The following PALLD variants were observed in gnomAD, a reference collection of about 807,000 sequenced individuals.
PALLD encodes the protein palladin.
In PALLD, 61 loss-of-function variants were observed where a neutral mutation model predicts 123.5. The ratio of observed to expected loss-of-function variants is 0.49; its 90% CI spans 0.40 to 0.61. The LOEUF (loss-of-function observed/expected upper bound fraction) is 0.61, where lower values mean the gene tolerates loss of function less well. Ranked by LOEUF, PALLD falls within the 20% of genes least tolerant of loss-of-function variation. PALLD has a pLI of 0.00. For synonymous variants in PALLD, 465 were observed against 496.4 expected, an observed-to-expected ratio of 0.94 and a Z score of 0.84; for missense variants, 1,273 against 1,377.0, an observed-to-expected ratio of 0.92 and a Z score of 1.20.
intron 10 of PALLD, among the ~76,000 whole-genome samples, chr4:168,817,437 A>G (rs944368888): frequency 6.6e-6 from 1 of 152,202 alleles, no homozygotes; most frequent in African/African-American, 2.4e-5. Flanking sequence ...CCTCTTAACA[A>G]GCCAGTTAAA....
intron 10 of PALLD, among the ~76,000 whole-genome samples, chr4:168,760,429 G>T (rs1472585261): frequency 6.6e-6 from 1 of 152,102 alleles, no homozygotes; most frequent in Non-Finnish European, 1.5e-5. Context: ...TGCAGCATGG[G>T]ACTTTTCTGA....
At chr4:168,509,344 T>C (rs1211121522) in intron 1 of PALLD, among the ~76,000 whole-genome samples, 2 of 152,228 alleles carry the variant, frequency 1.3e-5, no homozygotes, top group African/African-American at 4.8e-5. Flanking sequence ...TTTGAAATAA[T>C]TGTAATATAT....
intron 10 of PALLD, among the ~76,000 whole-genome samples, chr4:168,741,194 A>G (rs534832512): frequency 2.0e-5 from 3 of 152,322 alleles, no homozygotes; most frequent in Non-Finnish European, 4.4e-5. Flanking sequence ...GTCATGTTTC[A>G]AGGACACCAA....
chr4:168,678,330 C>T (rs922272294), intron 3 of PALLD, among the ~76,000 whole-genome samples: 1 of 152,066 alleles, frequency 6.6e-6, no homozygotes, highest in Admixed American at 6.5e-5. Context: ...CAGCAGACGC[C>T]GGGCACATAG....
intron 2 of PALLD, among the ~76,000 whole-genome samples, chr4:168,593,190 C>A (rs548605802): frequency 1.3e-5 from 2 of 151,858 alleles, no homozygotes; most frequent in East Asian, 1.9e-4. Flanking sequence ...TGGTTAATTT[C>A]ATCTCTTTCA....
At chr4:168,583,914 A>G (rs1341871330) in intron 2 of PALLD, among the ~76,000 whole-genome samples, 1 of 152,182 alleles carries the variant, frequency 6.6e-6, no homozygotes, top group Non-Finnish European at 1.5e-5. Context: ...CACCACCAAG[A>G]AAGGCATAGT....
At chr4:168,885,665 T>C (rs922060946) in intron 10 of PALLD, among the ~76,000 whole-genome samples, 5 of 152,228 alleles carry the variant, frequency 3.3e-5, no homozygotes, top group Non-Finnish European at 7.3e-5. Flanking sequence ...ATGGAGCTCA[T>C]GCTTGTTGAA....
intron 2 of PALLD, among the ~76,000 whole-genome samples, chr4:168,527,876 T>A (rs1764221237): frequency 6.6e-6 from 1 of 152,210 alleles, no homozygotes; most frequent in South Asian, 2.1e-4. Flanking sequence ...TGTCCCATCT[T>A]CCTCCTATGG....
At chr4:168,685,650 A>G in intron 6 of PALLD, 91 bp downstream of exon 6, 1 of 863,794 alleles carries the variant, frequency 1.2e-6, no homozygotes, top group Non-Finnish European at 2.0e-6. Context: ...TTAAAAATTA[A>G]AAGGAACAGA....
intron 2 of PALLD, among the ~76,000 whole-genome samples, chr4:168,639,710 A>AT (rs904770121): frequency 6.3e-4 from 92 of 146,296 alleles, no homozygotes; most frequent in Middle Eastern, 3.4e-3. Context: ...CGCCCAGCTA[A>AT]TTTTTTGTAT....
intron 5 of PALLD, among the ~76,000 whole-genome samples, 160 bp downstream of exon 5, chr4:168,683,263 C>T (rs1412070560): frequency 1.3e-5 from 2 of 152,180 alleles, no homozygotes; most frequent in Non-Finnish European, 2.9e-5. Context: ...AATGTTTCTC[C>T]TTTCAGTTCA....
intron 2 of PALLD, among the ~76,000 whole-genome samples, chr4:168,551,570 G>A (rs992093081): frequency 6.6e-6 from 1 of 152,090 alleles, no homozygotes; most frequent in Admixed American, 6.5e-5. Flanking sequence ...AGATATCAAT[G>A]TGGATAAAAA....
At chr4:168,600,211 T>C (rs1248664931) in intron 2 of PALLD, among the ~76,000 whole-genome samples, 2 of 152,216 alleles carry the variant, frequency 1.3e-5, no homozygotes, top group East Asian at 1.9e-4. Context: ...TGTGTATTAA[T>C]AGTTTGGCCA....
intron 10 of PALLD, among the ~76,000 whole-genome samples, chr4:168,871,489 T>G (rs964148992): frequency 6.6e-6 from 1 of 152,094 alleles, no homozygotes; most frequent in Non-Finnish European, 1.5e-5. Flanking sequence ...AAAAAAAGGT[T>G]GAAAAACAGA....
chr4:168,806,803 A>C (rs752246104), intron 10 of PALLD, among the ~76,000 whole-genome samples: 9 of 152,140 alleles, frequency 5.9e-5, no homozygotes, highest in Non-Finnish European at 1.2e-4. Flanking sequence ...TAAAAGCAAA[A>C]TATTTGTTCT....
rs147764809 is a variant in PALLD at position 168,531,563 on chromosome 4, C to T, written c.908+19151C>T. Among the ~76,000 whole-genome samples, 68 of 152,120 alleles carry T rather than the reference C, an allele frequency of 4.5e-4. 1 individual carries two copies. In the East Asian group the frequency reaches 0.011, roughly 24 times the overall value. ...ATTCACGTATCTTCTGTCCCCATGA[C>T]GGAAGAAAATTGGCCTAAGAAACTC... On this transcript the variant is annotated intron_variant, in intron 2 of 21. Transcript: ENST00000505667.
intron 14 of PALLD, among the ~76,000 whole-genome samples, chr4:168,900,403 A>G (rs1449744548): frequency 2.0e-5 from 3 of 152,232 alleles, no homozygotes; most frequent in Admixed American, 1.3e-4. Flanking sequence ...ACAATTTTAA[A>G]AAGAATGGAA....
intron 2 of PALLD, among the ~76,000 whole-genome samples, chr4:168,579,677 T>C (rs979159196): frequency 5.3e-5 from 8 of 152,102 alleles, no homozygotes; most frequent in African/African-American, 7.2e-5. Context: ...AACGGGGCAT[T>C]GTTTTTTATT....
At chr4:168,578,832 GA>G (rs1769928564) in intron 2 of PALLD, among the ~76,000 whole-genome samples, 1 of 151,932 alleles carries the variant, frequency 6.6e-6, no homozygotes, top group Admixed American at 6.6e-5. Context: ...CTATAGTAAA[GA>G]AAGTTATTTG....
Sources: gnomAD v4.1 joint callset for allele counts (sites outside exome capture counted in the v4.1 genomes callset) on GRCh38, gnomAD v4.1.1 for gene constraint, MANE v1.5 for transcripts, NCBI Gene and HGNC (gene_info 2026-07-23, HGNC 2026-07-21) for gene names.